ARL15: variants seen among roughly 807,000 people sequenced by gnomAD.
The protein encoded by ARL15 is ARF like GTPase 15.
Under a neutral mutation model 25.2 loss-of-function variants are expected in ARL15, and 19 were observed. That is an observed-to-expected ratio of 0.75 (90% CI 0.53 to 1.10). The LOEUF (loss-of-function observed/expected upper bound fraction) is 1.10, where lower values mean the gene tolerates loss of function less well. ARL15 is among the 50% of genes least tolerant of loss of function. The probability of loss-of-function intolerance (pLI) is 0.00; values close to 1 mark genes in which losing one functional copy is unlikely to be tolerated. For synonymous variants in ARL15, 94 were observed against 86.8 expected, an observed-to-expected ratio of 1.08 and a Z score of -0.46; for missense variants, 220 against 246.0, an observed-to-expected ratio of 0.89 and a Z score of 0.71.
chr5:53,990,793 T>C (rs1251094578), intron 4 of ARL15, among the ~76,000 whole-genome samples: 3 of 152,222 alleles, frequency 2.0e-5, no homozygotes, highest in Non-Finnish European at 4.4e-5. Context: ...TGAATGATTC[T>C]GCAAGAGAAG....
At chr5:54,138,682 A>G (rs1450643266) in intron 3 of ARL15, among the ~76,000 whole-genome samples, 1 of 152,182 alleles carries the variant, frequency 6.6e-6, no homozygotes, top group African/African-American at 2.4e-5. Context: ...ATGGGACCTA[A>G]TTAAACTAAA....
At chr5:54,076,059 G>C (rs1480871269) in intron 4 of ARL15, among the ~76,000 whole-genome samples, 1 of 152,024 alleles carries the variant, frequency 6.6e-6, no homozygotes, top group Non-Finnish European at 1.5e-5. Flanking sequence ...CACAGAGTTG[G>C]TACAACGATT....
At chr5:53,923,974 T>C (rs1462274455) in intron 4 of ARL15, among the ~76,000 whole-genome samples, 1 of 152,224 alleles carries the variant, frequency 6.6e-6, no homozygotes, top group Admixed American at 6.5e-5. Context: ...AAGATCTGAT[T>C]TGAAAAACCG....
At chr5:54,121,274 A>G (rs1209989052) in intron 3 of ARL15, among the ~76,000 whole-genome samples, 1 of 152,124 alleles carries the variant, frequency 6.6e-6, no homozygotes, top group Non-Finnish European at 1.5e-5. Context: ...TCATCTTTTA[A>G]CTGTCTCTAT....
At chr5:54,305,775 C>T (rs1271198386) in intron 1 of ARL15, among the ~76,000 whole-genome samples, 1 of 152,092 alleles carries the variant, frequency 6.6e-6, no homozygotes, top group Non-Finnish European at 1.5e-5. Context: ...TCTTATTGTA[C>T]TTTACTCACT....
chr5:54,039,680 T>C (rs953671122), intron 4 of ARL15, among the ~76,000 whole-genome samples: 2 of 151,644 alleles, frequency 1.3e-5, no homozygotes, highest in Non-Finnish European at 2.9e-5. Context: ...GCAGATGCTG[T>C]AATCTCAGCT....
intron 4 of ARL15, among the ~76,000 whole-genome samples, chr5:54,012,526 CTTTTT>C (rs1311444885): frequency 7.1e-6 from 1 of 140,882 alleles, no homozygotes; most frequent in South Asian, 2.3e-4. Context: ...TATTTCTTTT[CTTTTT>C]TTTTTTTTTT....
chr5:54,056,802 T>C (rs1165161460), intron 4 of ARL15, among the ~76,000 whole-genome samples: 1 of 152,148 alleles, frequency 6.6e-6, no homozygotes, highest in East Asian at 1.9e-4. Context: ...CTCTGTCTTT[T>C]ACTAACTGCT....
intron 4 of ARL15, among the ~76,000 whole-genome samples, chr5:53,932,481 C>T (rs1746223289): frequency 1.3e-5 from 2 of 152,134 alleles, no homozygotes; most frequent in Admixed American, 6.5e-5. Flanking sequence ...CAATCTCAGG[C>T]TTTCTAAATG....
At position 53,886,810 on chromosome 5, in the gene ARL15, G is replaced by A. The variant is rs977469347; in HGVS notation, c.463-97C>T. 121 of 1,180,750 alleles carry A rather than the reference G, an allele frequency of 1.0e-4. 1 individual carries two copies. In the East Asian group the frequency reaches 1.5e-3, roughly 15 times the overall value. The allele number at this position is 1,180,750 out of a possible 1,614,324, so 73.1% of individuals were successfully genotyped here. On this transcript the variant is annotated intron_variant, in intron 4 of 4. Coordinates refer to ENST00000504924, the MANE Select transcript of ARL15 (RefSeq NM_019087.3). ...GGATAAAGTAGGGGAATTTCGAGGC[G>A]GAATTTATACGAACTGTGATGCCTA...
At chr5:53,893,140 A>G (rs1744773180) in intron 4 of ARL15, among the ~76,000 whole-genome samples, 1 of 151,994 alleles carries the variant, frequency 6.6e-6, no homozygotes, top group African/African-American at 2.4e-5. Flanking sequence ...TTTCTCAGTG[A>G]TATGGTGGGG....
At chr5:54,159,645 T>G (rs1754345698) in intron 2 of ARL15, among the ~76,000 whole-genome samples, 1 of 152,222 alleles carries the variant, frequency 6.6e-6, no homozygotes, top group South Asian at 2.1e-4. Flanking sequence ...TCAAACAATT[T>G]GATGGCTGAA....
At chr5:53,983,930 G>A (rs144109222) in intron 4 of ARL15, among the ~76,000 whole-genome samples, 27 of 152,174 alleles carry the variant, frequency 1.8e-4, no homozygotes, top group Non-Finnish European at 3.5e-4. Flanking sequence ...CCGCACTCCC[G>A]CAGTCGTCTC....
intron 4 of ARL15, among the ~76,000 whole-genome samples, chr5:54,085,437 T>TA (rs1459702906): frequency 6.6e-6 from 1 of 152,298 alleles, no homozygotes; most frequent in African/African-American, 2.4e-5. Flanking sequence ...AAATTGAGAA[T>TA]AAGTTTTTTT....
intron 3 of ARL15, among the ~76,000 whole-genome samples, chr5:54,132,174 C>G (rs1753458190): frequency 6.6e-6 from 1 of 151,656 alleles, no homozygotes; most frequent in African/African-American, 2.4e-5. Context: ...GAAAAATATC[C>G]CAATATGTAT....
chr5:54,228,108 C>T (rs1286248901), intron 1 of ARL15, among the ~76,000 whole-genome samples: 1 of 152,160 alleles, frequency 6.6e-6, no homozygotes, highest in Non-Finnish European at 1.5e-5. Context: ...TGCAAATTAT[C>T]AGATGGCTAA....
At chr5:54,033,222 A>T (rs563943842) in intron 4 of ARL15, among the ~76,000 whole-genome samples, 2 of 152,048 alleles carry the variant, frequency 1.3e-5, no homozygotes, top group Non-Finnish European at 2.9e-5. Context: ...CTGAGGCAGG[A>T]GAATGGCTTG....
chr5:53,961,718 A>T (rs1308684811), intron 4 of ARL15, among the ~76,000 whole-genome samples: 2 of 152,098 alleles, frequency 1.3e-5, no homozygotes, highest in Non-Finnish European at 2.9e-5. Flanking sequence ...ACATAAATTA[A>T]TTATTCTTAC....
rs1295718434 is a variant in ARL15 at position 54,075,825 on chromosome 5, AT to A, written c.462+37376del. Among the ~76,000 whole-genome samples the A allele has an allele frequency of 5.3e-5, 8 of 152,278 alleles. No homozygotes were observed. In the East Asian group the frequency reaches 5.8e-4, roughly 11 times the overall value. On this transcript the variant is annotated intron_variant, in intron 4 of 4. Coordinates refer to ENST00000504924, the MANE Select transcript of ARL15 (RefSeq NM_019087.3). ...GGAGTTTTAAAATTGTAGTAATTTA[AT>A]CTTGTATTTAAGTTATACCCTTAAT...
Sources: allele counts gnomAD v4.1 joint callset (sites outside exome capture counted in the v4.1 genomes callset), GRCh38; gene constraint gnomAD v4.1.1; transcripts MANE v1.5; gene names NCBI Gene and HGNC (gene_info 2026-07-23, HGNC 2026-07-21).